Variants in MARK1 observed in about 807,000 individuals in gnomAD.
The protein encoded by MARK1 is serine/threonine-protein kinase MARK1.
Under a neutral mutation model 96.3 loss-of-function variants are expected in MARK1, and 40 were observed. The observed-to-expected ratio is 0.42, with a 90% CI of 0.32 to 0.54. MARK1 has a LOEUF of 0.54. MARK1 is among the 20% of genes least tolerant of loss of function. MARK1 has a pLI of 0.16. For synonymous variants in MARK1, 317 were observed against 341.2 expected, an observed-to-expected ratio of 0.93 and a Z score of 0.78; for missense variants, 719 against 984.6, an observed-to-expected ratio of 0.73 and a Z score of 3.61.
intron 1 of MARK1, among the ~76,000 whole-genome samples, chr1:220,569,429 A>G (rs1663285958): frequency 6.6e-6 from 1 of 152,002 alleles, no homozygotes; most frequent in Non-Finnish European, 1.5e-5. Flanking sequence ...TTTATGTTAT[A>G]CCTAGAGAGC....
intron 5 of MARK1, 116 bp from the exon 6 acceptor site, chr1:220,603,951 G>C: frequency 1.8e-6 from 1 of 543,140 alleles, no homozygotes; most frequent in East Asian, 3.0e-5. Context: ...ACATAAACTA[G>C]CAGAAAATTG....
chr1:220,636,121 A>G, intron 13 of MARK1, 95 bp downstream of exon 13: 1 of 871,060 alleles, frequency 1.1e-6, no homozygotes. Flanking sequence ...AAATGATTGA[A>G]AAATTTAAAG....
At chr1:220,609,939 C>T (rs992533918) in intron 6 of MARK1, among the ~76,000 whole-genome samples, 8 of 152,194 alleles carry the variant, frequency 5.3e-5, no homozygotes, top group African/African-American at 1.9e-4. Flanking sequence ...TGATGGGCTT[C>T]CCTTTGTAGG....
intron 13 of MARK1, among the ~76,000 whole-genome samples, chr1:220,647,208 G>GA (rs34802904): frequency 6.6e-6 from 1 of 151,550 alleles, no homozygotes; most frequent in Non-Finnish European, 1.5e-5. Context: ...AAATTTACAA[G>GA]AAAAAAAGAA....
At chr1:220,574,377 T>G (rs1170674279) in intron 1 of MARK1, among the ~76,000 whole-genome samples, 1 of 152,248 alleles carries the variant, frequency 6.6e-6, no homozygotes, top group Non-Finnish European at 1.5e-5. Flanking sequence ...GCACCTGCAA[T>G]TAATATACAA....
At chr1:220,611,920 A>T (rs995205200) in intron 6 of MARK1, among the ~76,000 whole-genome samples, 3 of 151,918 alleles carry the variant, frequency 2.0e-5, no homozygotes, top group African/African-American at 7.3e-5. Flanking sequence ...TTTAGTAGAG[A>T]TGGGGTTTCA....
intron 11 of MARK1, 70 bp from the exon 12 acceptor site, chr1:220,635,306 G>T: frequency 1.5e-6 from 2 of 1,368,002 alleles, no homozygotes; most frequent in Non-Finnish European, 2.0e-6. Flanking sequence ...AAAATCAAGA[G>T]TGCAGTGTTT....
At chr1:220,566,574 T>C (rs1485491633) in intron 1 of MARK1, among the ~76,000 whole-genome samples, 1 of 152,182 alleles carries the variant, frequency 6.6e-6, no homozygotes, top group African/African-American at 2.4e-5. Flanking sequence ...GTAAATACAC[T>C]GTGCTTGCCA....
chr1:220,532,245 G>A (rs774374726), intron 1 of MARK1, among the ~76,000 whole-genome samples: 1 of 152,184 alleles, frequency 6.6e-6, no homozygotes, highest in South Asian at 2.1e-4. Context: ...ATTACCTATT[G>A]TAACTAAGGT....
chr1:220,559,610 T>G (rs769666653), intron 1 of MARK1, among the ~76,000 whole-genome samples: 10 of 152,182 alleles, frequency 6.6e-5, no homozygotes, highest in Non-Finnish European at 1.3e-4. Context: ...ATGATTCAGG[T>G]AAGTGAGACT....
intron 7 of MARK1, 24 bp downstream of exon 7, chr1:220,616,019 TTAAA>T: frequency 8.7e-7 from 1 of 1,153,012 alleles, no homozygotes; most frequent in Non-Finnish European, 1.2e-6. Context: ...TGTAATTTTT[TTAAA>T]AAAAAAATCG....
At chr1:220,631,969 C>G (rs1387729423) in intron 10 of MARK1, among the ~76,000 whole-genome samples, 1 of 151,892 alleles carries the variant, frequency 6.6e-6, no homozygotes, top group Non-Finnish European at 1.5e-5. Context: ...TTAAGTGGGC[C>G]CATTAATATA....
In MARK1 at chr1:220,618,785, AT is replaced by A; in HGVS notation, c.909+34del. The stretch of plus-strand genomic sequence containing the variant: ...GTAAATTTTTGTACTCCAAATTTAA[AT>A]TTTAACAATTAAAATATTCCAGGAA... On this transcript the variant is annotated intron_variant, in intron 9 of 17. Coordinates refer to ENST00000366917, the MANE Select transcript of MARK1 (RefSeq NM_018650.5). The surrounding 1 kb of genome is among the most constrained non-coding windows in gnomAD (Gnocchi z 4.6). 1 of 1,537,726 alleles carries A rather than the reference AT, an allele frequency of 6.5e-7. No homozygotes were observed. Among genetic ancestry groups the A allele is most frequent in the Non-Finnish European group, 8.8e-7 (1 of 1,142,088 alleles).
At chr1:220,647,778 C>G (rs1249494649) in intron 13 of MARK1, among the ~76,000 whole-genome samples, 2 of 152,298 alleles carry the variant, frequency 1.3e-5, no homozygotes, top group Non-Finnish European at 2.9e-5. Context: ...TTATCCTCAG[C>G]AAACTAATGC....
At chr1:220,612,713 T>C (rs537712373) in intron 6 of MARK1, among the ~76,000 whole-genome samples, 40 of 152,326 alleles carry the variant, frequency 2.6e-4, no homozygotes, top group Admixed American at 7.2e-4. Flanking sequence ...TAAACTCTTA[T>C]GGACTTAATG....
intron 1 of MARK1, among the ~76,000 whole-genome samples, chr1:220,532,513 G>A (rs1342097503): frequency 6.6e-6 from 1 of 152,010 alleles, no homozygotes; most frequent in African/African-American, 2.4e-5. Flanking sequence ...AAAATATATT[G>A]GTGACATTGG....
intron 1 of MARK1, among the ~76,000 whole-genome samples, chr1:220,553,909 T>G (rs1038472170): frequency 1.3e-4 from 20 of 152,338 alleles, no homozygotes; most frequent in Middle Eastern, 3.4e-3. Flanking sequence ...CTAAGCAGCT[T>G]GCATGACAGC....
intron 6 of MARK1, among the ~76,000 whole-genome samples, chr1:220,607,727 G>A (rs1052472988): frequency 6.6e-6 from 1 of 152,088 alleles, no homozygotes; most frequent in African/African-American, 2.4e-5. Context: ...TTTGAGATAC[G>A]TTCCATCAAT....
intron 1 of MARK1, among the ~76,000 whole-genome samples, chr1:220,544,232 T>G (rs1661331563): frequency 6.6e-6 from 1 of 152,176 alleles, no homozygotes; most frequent in Non-Finnish European, 1.5e-5. Context: ...GTTTACCATA[T>G]GGTGCCTGCT....
Sources: allele counts gnomAD v4.1 joint callset (sites outside exome capture counted in the v4.1 genomes callset), GRCh38; gene constraint gnomAD v4.1.1; non-coding constraint Gnocchi (gnomAD v3.1); transcripts MANE v1.5; gene names NCBI Gene and HGNC (gene_info 2026-07-23, HGNC 2026-07-21).